Variants in COL25A1 observed in about 807,000 individuals in gnomAD.
COL25A1 encodes the protein collagen type XXV alpha 1 chain, also known as collagen alpha-1(XXV) chain.
A neutral mutation model predicts 128.4 loss-of-function variants in COL25A1; 103 were observed. That is an observed-to-expected ratio of 0.80 (90% CI 0.68 to 0.94). The LOEUF is 0.94. Among genes scored for constraint, COL25A1 ranks in the 40% least tolerant of loss-of-function variants. COL25A1 has a pLI of 0.00. For missense variants in COL25A1, 745 were observed against 840.0 expected (o/e 0.89, Z 1.40); for synonymous variants, 279 against 277.2 (o/e 1.01, Z -0.06).
rs146305866 is a variant in COL25A1, at chr4:109,075,915, C to T, written c.368-25736G>A. Among the ~76,000 whole-genome samples, 387 of 152,192 alleles carry T rather than the reference C, an allele frequency of 2.5e-3. 3 individuals are homozygous for T. The highest frequency in any genetic ancestry group is 8.2e-3 in the African/African-American group (339 of 41,514). ...CCCTCAGTATCCATGCATTCTGTAT[C>T]GCAGATTCAACCAACCACAGATAGA... On this transcript the variant is annotated intron_variant, in intron 3 of 37. Coordinates refer to ENST00000399132, the MANE Select transcript of COL25A1 (RefSeq NM_198721.4).
intron 6 of COL25A1, among the ~76,000 whole-genome samples, chr4:108,978,793 A>G (rs1752677140): frequency 6.6e-6 from 1 of 152,222 alleles, no homozygotes. Flanking sequence ...TGGAAAGGAA[A>G]GATGGTAAAA....
At chr4:109,208,051 TAGAA>T (rs1777151957) in intron 3 of COL25A1, among the ~76,000 whole-genome samples, 1 of 152,208 alleles carries the variant, frequency 6.6e-6, no homozygotes, top group African/African-American at 2.4e-5. Flanking sequence ...CAGAGCATTA[TAGAA>T]AGAAAGAGAC....
At chr4:109,098,481 G>C (rs1326849909) in intron 3 of COL25A1, among the ~76,000 whole-genome samples, 1 of 152,180 alleles carries the variant, frequency 6.6e-6, no homozygotes, top group African/African-American at 2.4e-5. Flanking sequence ...GCTCATATGA[G>C]AGTAAATATC....
At chr4:109,245,579 T>C (rs911413265) in intron 3 of COL25A1, among the ~76,000 whole-genome samples, 8 of 152,156 alleles carry the variant, frequency 5.3e-5, no homozygotes, top group African/African-American at 1.9e-4. Context: ...CAATCACCTA[T>C]AACCATTATA....
At chr4:109,081,382 G>A (rs1414511686) in intron 3 of COL25A1, among the ~76,000 whole-genome samples, 1 of 152,130 alleles carries the variant, frequency 6.6e-6, no homozygotes, top group Admixed American at 6.5e-5. Context: ...ATTTTTTACA[G>A]TTGAAATATT....
Position 108,825,234 on chromosome 4 carries a change from C to T in COL25A1, c.1765-12G>A. The T allele has an allele frequency of 6.2e-7, 1 of 1,610,226 alleles. No individual in the cohort carries two copies. ...TCTCCATCTTTCCCCTGCCAAAGAA[C>T]CATAGTAGCTACATTAGTGTTTCTA... is the stretch of plus-strand genomic sequence containing the variant. On this transcript the variant is annotated splice_polypyrimidine_tract_variant and intron_variant, in intron 33 of 37. Coordinates refer to ENST00000399132, the MANE Select transcript of COL25A1 (RefSeq NM_198721.4).
intron 3 of COL25A1, among the ~76,000 whole-genome samples, chr4:109,250,130 C>T (rs182035821): frequency 6.6e-6 from 1 of 152,148 alleles, no homozygotes; most frequent in Non-Finnish European, 1.5e-5. Context: ...GCTCTTTGTC[C>T]TGGGGTAACA....
intron 3 of COL25A1, among the ~76,000 whole-genome samples, chr4:109,241,728 G>C (rs1779906915): frequency 6.6e-6 from 1 of 151,862 alleles, no homozygotes; most frequent in Admixed American, 6.6e-5. Flanking sequence ...TGAGCTTACA[G>C]ATGGTCTTAA....
At chr4:109,048,106 A>C (rs1210576815) in intron 5 of COL25A1, 62 bp downstream of exon 5, 16 of 1,561,412 alleles carry the variant, frequency 1.0e-5, no homozygotes, top group Non-Finnish European at 1.4e-5. Context: ...TGTTTTAACA[A>C]AGTTTTAACA....
intron 32 of COL25A1, among the ~76,000 whole-genome samples, chr4:108,829,771 A>G (rs1037017730): frequency 1.7e-4 from 26 of 152,288 alleles, no homozygotes; most frequent in African/African-American, 6.0e-4. Flanking sequence ...CGACAATTCC[A>G]TTTCTCTTGC....
At chr4:109,042,796 A>G (rs1468064302) in intron 5 of COL25A1, among the ~76,000 whole-genome samples, 1 of 152,092 alleles carries the variant, frequency 6.6e-6, no homozygotes, top group East Asian at 1.9e-4. Context: ...TCATACTTCC[A>G]CATGATTTGC....
intron 3 of COL25A1, among the ~76,000 whole-genome samples, chr4:109,218,356 G>GTTTTTTTT (rs796441649): frequency 0.02 from 2,057 of 100,504 alleles, 127 homozygotes; most frequent in African/African-American, 0.079. Context: ...GGTTTTTTGG[G>GTTTTTTTT]GTTTTTTTTT....
chr4:109,069,131 A>AG (rs1762709534), intron 3 of COL25A1, among the ~76,000 whole-genome samples: 1 of 151,886 alleles, frequency 6.6e-6, no homozygotes, highest in Admixed American at 6.6e-5. Flanking sequence ...AAACTTTAAA[A>AG]ATTTTTTTTT....
Position 108,816,959 on chromosome 4 carries a change from A to C in COL25A1, c.1962+438T>G, listed in dbSNP as rs555091049. 2.0e-5 allele frequency among the ~76,000 whole-genome samples: 3 copies of C among 152,300 alleles called. No individual in the cohort carries two copies. The East Asian group carries it at 5.8e-4, about 29-fold the overall frequency. On this transcript the variant is annotated intron_variant, in intron 37 of 37. Transcript: ENST00000399132. ...CAGTTTTTCCTACATAAGTCAAGACATCATTAAACAAATGATGCTTATATT... is the reference window on the plus strand; with the variant it reads ...CAGTTTTTCCTACATAAGTCAAGACCTCATTAAACAAATGATGCTTATATT...
At chr4:108,905,518 T>TA (rs1057032888) in intron 13 of COL25A1, among the ~76,000 whole-genome samples, 3 of 150,378 alleles carry the variant, frequency 2.0e-5, no homozygotes, top group Non-Finnish European at 4.4e-5. Flanking sequence ...AGTATAATAA[T>TA]AAAAAAATAA....
At chr4:109,097,450 A>C (rs1228901271) in intron 3 of COL25A1, among the ~76,000 whole-genome samples, 1 of 150,818 alleles carries the variant, frequency 6.6e-6, no homozygotes, top group Non-Finnish European at 1.5e-5. Flanking sequence ...AAAAAAAAAA[A>C]AAAACCACAA....
chr4:109,001,424 G>GAGATCC (rs1561003582), intron 6 of COL25A1, among the ~76,000 whole-genome samples: 2 of 18,412 alleles, frequency 1.1e-4, no homozygotes, highest in Non-Finnish European at 1.7e-4. Flanking sequence ...CAGGTAGGCA[G>GAGATCC]TGAGCTAGAG....
chr4:109,254,782 C>T (rs1578561167), intron 3 of COL25A1, among the ~76,000 whole-genome samples: 1 of 151,860 alleles, frequency 6.6e-6, no homozygotes, highest in Non-Finnish European at 1.5e-5. Context: ...AGACACACTG[C>T]CCAGCAAAGA....
intron 3 of COL25A1, among the ~76,000 whole-genome samples, chr4:109,191,893 G>A (rs1353680812): frequency 6.6e-6 from 1 of 152,136 alleles, no homozygotes; most frequent in Admixed American, 6.6e-5. Flanking sequence ...CCAGAGATAA[G>A]AGCCATCTAA....
Sources: gnomAD v4.1 joint callset for allele counts (sites outside exome capture counted in the v4.1 genomes callset) on GRCh38, gnomAD v4.1.1 for gene constraint, MANE v1.5 for transcripts, NCBI Gene and HGNC (gene_info 2026-07-23, HGNC 2026-07-21) for gene names.